Variants in FHIT observed in about 807,000 individuals in gnomAD.
FHIT encodes bis(5'-adenosyl)-triphosphatase.
Under a neutral mutation model 17.9 loss-of-function variants are expected in FHIT, and 19 were observed. That is an observed-to-expected ratio of 1.06 (90% CI 0.74 to 1.56). The LOEUF (loss-of-function observed/expected upper bound fraction) is 1.56. Among genes scored for constraint, FHIT ranks in the 40% most tolerant of loss-of-function variants. The pLI is 0.00. For synonymous variants in FHIT, 81 were observed against 69.7 expected (o/e 1.16, Z -0.81); for missense variants, 248 against 189.2 (o/e 1.31, Z -1.82).
chr3:60,176,353 A>AAAC lies in FHIT; in HGVS notation c.104-162204_104-162202dup, dbSNP rs113365319. On this transcript the variant is annotated intron_variant, in intron 5 of 9. Coordinates refer to ENST00000492590, the MANE Select transcript of FHIT (RefSeq NM_002012.4). ...GGTGACAGAGTGAGACTCCATCTCA[A>AAAC]AACAACAACAACAACAACAAAAGCC... 4.3e-3 allele frequency among the ~76,000 whole-genome samples: 652 copies of AAAC among 152,220 alleles called. 4 individuals carry two copies. The highest frequency in any genetic ancestry group is 6.6e-3 in the Non-Finnish European group (447 of 68,002).
intron 5 of FHIT, among the ~76,000 whole-genome samples, chr3:60,072,836 G>C (rs1425877223): frequency 6.6e-6 from 1 of 152,142 alleles, no homozygotes; most frequent in African/African-American, 2.4e-5. Context: ...TCATTATTTT[G>C]TCTATGTATG....
At chr3:59,943,304 T>C (rs1467519511) in intron 7 of FHIT, among the ~76,000 whole-genome samples, 6 of 151,938 alleles carry the variant, frequency 3.9e-5, no homozygotes, top group African/African-American at 1.5e-4. Flanking sequence ...AAACCTGGGC[T>C]CAAAGAGAGA....
At chr3:60,973,051 G>C in intron 3 of FHIT, among the ~76,000 whole-genome samples, 1 of 152,032 alleles carries the variant, frequency 6.6e-6, no homozygotes, top group East Asian at 1.9e-4. Context: ...ACTTTTGGTT[G>C]GTTTTCTGTC....
At chr3:59,890,821 A>T (rs1162735908) in intron 8 of FHIT, among the ~76,000 whole-genome samples, 1 of 152,204 alleles carries the variant, frequency 6.6e-6, no homozygotes, top group Non-Finnish European at 1.5e-5. Flanking sequence ...AATAAAGAAC[A>T]GTATTTAATT....
At chr3:60,442,373 C>G (rs1012725129) in intron 5 of FHIT, among the ~76,000 whole-genome samples, 12 of 152,060 alleles carry the variant, frequency 7.9e-5, no homozygotes, top group African/African-American at 2.9e-4. Context: ...ATGGTATTGC[C>G]TAGGTTTTCT....
chr3:60,760,055 C>A (rs1699587399), intron 4 of FHIT, among the ~76,000 whole-genome samples: 1 of 149,834 alleles, frequency 6.7e-6, no homozygotes, highest in South Asian at 2.1e-4. Flanking sequence ...TTATCTCTTT[C>A]TCTTTCTTTC....
At chr3:60,762,848 G>A (rs538972479) in intron 4 of FHIT, among the ~76,000 whole-genome samples, 1 of 152,280 alleles carries the variant, frequency 6.6e-6, no homozygotes, top group Non-Finnish European at 1.5e-5. Context: ...GACTTGAGTG[G>A]CAATATCAAC....
chr3:60,409,835 T>C (rs955795299), intron 5 of FHIT, among the ~76,000 whole-genome samples: 2 of 152,216 alleles, frequency 1.3e-5, no homozygotes, highest in African/African-American at 4.8e-5. Flanking sequence ...GAACCTTCTT[T>C]AGATTTTCTC....
At chr3:61,144,534 T>G (rs1193288131) in intron 2 of FHIT, among the ~76,000 whole-genome samples, 1 of 152,240 alleles carries the variant, frequency 6.6e-6, no homozygotes, top group Non-Finnish European at 1.5e-5. Flanking sequence ...GGATATGTTT[T>G]TAATTCTCTT....
intron 5 of FHIT, among the ~76,000 whole-genome samples, chr3:60,400,037 A>G (rs1377580807): frequency 6.6e-6 from 1 of 152,178 alleles, no homozygotes; most frequent in Non-Finnish European, 1.5e-5. Flanking sequence ...TAAGTTAGCA[A>G]TGACTAAGCC....
At chr3:61,019,990 T>C (rs568446435) in intron 3 of FHIT, among the ~76,000 whole-genome samples, 1 of 152,306 alleles carries the variant, frequency 6.6e-6, no homozygotes, top group Admixed American at 6.5e-5. Context: ...ACATTAGGTA[T>C]TTCTCCTAAT....
intron 4 of FHIT, among the ~76,000 whole-genome samples, chr3:60,608,078 C>G (rs1312192183): frequency 6.6e-6 from 1 of 152,208 alleles, no homozygotes; most frequent in Non-Finnish European, 1.5e-5. Context: ...AGCACTCTGC[C>G]TCTTTCTGAT....
chr3:60,574,521 T>C (rs2037499911), intron 4 of FHIT, among the ~76,000 whole-genome samples: 1 of 152,042 alleles, frequency 6.6e-6, no homozygotes, highest in Admixed American at 6.6e-5. Flanking sequence ...CAGCCCCAAC[T>C]GAAAGGGATA....
intron 5 of FHIT, among the ~76,000 whole-genome samples, chr3:60,107,481 C>G (rs191599802): frequency 6.6e-6 from 1 of 152,092 alleles, no homozygotes; most frequent in South Asian, 2.1e-4. Flanking sequence ...AAGTCATTCA[C>G]GAGCTCCACA....
chr3:60,214,573 A>G (rs949195782), intron 5 of FHIT, among the ~76,000 whole-genome samples: 4 of 152,160 alleles, frequency 2.6e-5, no homozygotes, highest in Non-Finnish European at 4.4e-5. Context: ...TAGGAATGTA[A>G]ATTAGTTCAC....
intron 5 of FHIT, among the ~76,000 whole-genome samples, chr3:60,297,104 A>G (rs1173843050): frequency 6.6e-6 from 1 of 151,988 alleles, no homozygotes; most frequent in Non-Finnish European, 1.5e-5. Flanking sequence ...TTCTTTTTCA[A>G]ATCTGTTTTA....
At chr3:59,951,087 A>C (rs1707092063) in intron 7 of FHIT, among the ~76,000 whole-genome samples, 1 of 152,168 alleles carries the variant, frequency 6.6e-6, no homozygotes, top group African/African-American at 2.4e-5. Context: ...CTTATAACCT[A>C]AGTATTAATT....
chr3:59,979,386 T>C (rs1272970857), intron 7 of FHIT, among the ~76,000 whole-genome samples: 1 of 152,164 alleles, frequency 6.6e-6, no homozygotes, highest in African/African-American at 2.4e-5. Flanking sequence ...TGCATGTGTT[T>C]CCATCTCCAA....
intron 4 of FHIT, among the ~76,000 whole-genome samples, chr3:60,648,273 C>T (rs782242298): frequency 6.6e-5 from 10 of 152,134 alleles, no homozygotes; most frequent in Admixed American, 3.3e-4. Context: ...ATTTATAATG[C>T]AATATGGTAT....
Sources: allele counts gnomAD v4.1 joint callset (sites outside exome capture counted in the v4.1 genomes callset), GRCh38; gene constraint gnomAD v4.1.1; transcripts MANE v1.5; gene names NCBI Gene and HGNC (gene_info 2026-07-23, HGNC 2026-07-21).